ASIC2: variants seen among roughly 807,000 people sequenced by gnomAD.
The protein encoded by ASIC2 is acid-sensing ion channel 2.
A neutral mutation model predicts 57.3 loss-of-function variants in ASIC2; 25 were observed. The ratio of observed to expected loss-of-function variants is 0.44; its 90% CI spans 0.32 to 0.61. The LOEUF (loss-of-function observed/expected upper bound fraction) is 0.61, where lower values mean the gene tolerates loss of function less well. ASIC2 is among the 20% of genes least tolerant of loss of function. The probability of loss-of-function intolerance (pLI) is 0.06; values close to 1 mark genes in which losing one functional copy is unlikely to be tolerated. For missense variants in ASIC2, 641 were observed against 738.1 expected, an observed-to-expected ratio of 0.87 and a Z score of 1.52; for synonymous variants, 319 against 307.5, an observed-to-expected ratio of 1.04 and a Z score of -0.39.
chr17:33,893,736 A>T (rs1915020599), intron 1 of ASIC2, among the ~76,000 whole-genome samples: 1 of 152,182 alleles, frequency 6.6e-6, no homozygotes, highest in East Asian at 1.9e-4. Context: ...CATAATCCTT[A>T]TTTATAAAAT....
At chr17:33,833,908 A>T (rs781138775) in intron 1 of ASIC2, 4 of 152,110 alleles carry the variant, frequency 2.6e-5, no homozygotes, top group Non-Finnish European at 5.9e-5. Context: ...TGATAATAAA[A>T]AACAATTAGC....
At chr17:33,231,463 G>A (rs1197017950) in intron 1 of ASIC2, among the ~76,000 whole-genome samples, 1 of 152,162 alleles carries the variant, frequency 6.6e-6, no homozygotes, top group Admixed American at 6.5e-5. Flanking sequence ...GTGAAGCATG[G>A]GGTCTGGGTC....
intron 1 of ASIC2, among the ~76,000 whole-genome samples, chr17:33,482,661 C>A (rs12453743): frequency 0.2 from 30,984 of 152,124 alleles, 3,859 homozygotes; most frequent in Non-Finnish European, 0.28. Flanking sequence ...CAAGGTCACA[C>A]AGTGAATAGA....
intron 1 of ASIC2, among the ~76,000 whole-genome samples, chr17:34,093,850 G>A (rs1178917462): frequency 6.6e-6 from 1 of 152,078 alleles, no homozygotes. Context: ...ATGAACCCTA[G>A]GGCCCCTAGT....
rs1052226103 is a variant in ASIC2 at position 33,525,594 on chromosome 17, C to T, written c.556-413527G>A. On this transcript the variant is annotated intron_variant, in intron 1 of 9. Transcript: ENST00000359872. ...CCTCACTTTATCTCCATCTTCCCCT[C>T]CCTACCTCCTGCCTTGCAGACATGG... is the stretch of plus-strand genomic sequence containing the variant. Among the ~76,000 whole-genome samples, 3 of 152,236 alleles carry T rather than the reference C, an allele frequency of 2.0e-5. No individual in the cohort carries two copies. In the East Asian group the frequency reaches 5.8e-4, roughly 29 times the overall value.
chr17:33,859,146 G>C (rs1375737768), intron 1 of ASIC2, among the ~76,000 whole-genome samples: 1 of 152,134 alleles, frequency 6.6e-6, no homozygotes, highest in Non-Finnish European at 1.5e-5. Flanking sequence ...CATGAAATAA[G>C]AAGCAAACTA....
At chr17:34,038,123 C>A (rs1907960885) in intron 1 of ASIC2, 9 of 1,612,630 alleles carry the variant, frequency 5.6e-6, no homozygotes, top group Non-Finnish European at 7.6e-6. Context: ...TATCTCTCCA[C>A]ACCCTGTACC....
At chr17:33,715,443 C>T (rs184699013) in intron 1 of ASIC2, among the ~76,000 whole-genome samples, 4 of 152,246 alleles carry the variant, frequency 2.6e-5, no homozygotes, top group East Asian at 3.9e-4. Context: ...ATGCCCTGGC[C>T]GCTGAGACAA....
At chr17:33,825,039 T>G (rs183309185) in intron 1 of ASIC2, among the ~76,000 whole-genome samples, 60 of 152,336 alleles carry the variant, frequency 3.9e-4, no homozygotes, top group African/African-American at 1.4e-3. Flanking sequence ...TCTCTACTTC[T>G]ATCTCTGTAT....
chr17:33,077,890 G>A (rs1421916387), intron 3 of ASIC2, among the ~76,000 whole-genome samples: 1 of 152,146 alleles, frequency 6.6e-6, no homozygotes, highest in African/African-American at 2.4e-5. Context: ...TCTAAAAGAC[G>A]TGTTGGTGAT....
At chr17:33,481,717 A>C (rs1302141239) in intron 1 of ASIC2, among the ~76,000 whole-genome samples, 1 of 152,212 alleles carries the variant, frequency 6.6e-6, no homozygotes, top group Non-Finnish European at 1.5e-5. Flanking sequence ...AAAACAAAAC[A>C]AAACCACAGT....
chr17:33,310,904 A>ATTTT (rs1906387579), intron 1 of ASIC2, among the ~76,000 whole-genome samples: 1 of 152,152 alleles, frequency 6.6e-6, no homozygotes, highest in Admixed American at 6.5e-5. Flanking sequence ...ATATAGTTGC[A>ATTTT]TTTTTATCTC....
At chr17:33,598,994 G>A (rs1002816838) in intron 1 of ASIC2, among the ~76,000 whole-genome samples, 19 of 152,128 alleles carry the variant, frequency 1.2e-4, no homozygotes, top group Non-Finnish European at 2.1e-4. Context: ...TGCACCTTAC[G>A]CAATCAACAA....
chr17:34,072,855 G>C (rs547495189), intron 1 of ASIC2, among the ~76,000 whole-genome samples: 21 of 152,254 alleles, frequency 1.4e-4, no homozygotes, highest in Middle Eastern at 3.4e-3. Context: ...GGACGTTTAG[G>C]TTTCTTCCCA....
intron 1 of ASIC2, chr17:34,037,045 G>T (rs934702480): frequency 5.2e-5 from 8 of 152,610 alleles, no homozygotes; most frequent in African/African-American, 1.9e-4. Flanking sequence ...GGAGAGGGAA[G>T]CTGCATGTTT....
intron 1 of ASIC2, among the ~76,000 whole-genome samples, chr17:33,993,430 G>A (rs897129065): frequency 6.6e-6 from 1 of 152,176 alleles, no homozygotes; most frequent in Non-Finnish European, 1.5e-5. Flanking sequence ...ACTGCCATGC[G>A]CCTCCCTGCA....
rs868044187 is a variant in ASIC2 at position 33,218,136 on chromosome 17, G to A, written c.708+73272C>T. 5.9e-5 allele frequency among the ~76,000 whole-genome samples: 9 copies of A among 152,324 alleles called. 1 individual carries two copies. In the Middle Eastern group the frequency reaches 0.02, roughly 345 times the overall value. On this transcript the variant is annotated intron_variant, in intron 1 of 9. Transcript: ENST00000225823. ...TGTTTTTATTTAAAATAAATCGGCC[G>A]TGCTGTTGACTCTGGCACAGAACTG...
chr17:34,025,512 C>T (rs1907342575), intron 1 of ASIC2, among the ~76,000 whole-genome samples: 1 of 152,216 alleles, frequency 6.6e-6, no homozygotes, highest in Non-Finnish European at 1.5e-5. Context: ...TCCCACCTAG[C>T]ACCTCAGATG....
At position 33,448,665 on chromosome 17, in the gene ASIC2, C is replaced by T. The variant is rs186948082; in HGVS notation, c.556-336598G>A. On this transcript the variant is annotated intron_variant, in intron 1 of 9. Transcript: ENST00000359872. ...ATATGGTCCTGTGAGTCCTGTGACA[C>T]CTTGACTTCACCCACTGAAACAGGC... Among the ~76,000 whole-genome samples, 42 of 152,306 alleles carry T rather than the reference C, an allele frequency of 2.8e-4. 1 individual carries two copies. Among genetic ancestry groups the T allele is most frequent in the Admixed American group, 2.2e-3 (33 of 15,298 alleles).
Sources: gnomAD v4.1 joint callset for allele counts (sites outside exome capture counted in the v4.1 genomes callset) on GRCh38, gnomAD v4.1.1 for gene constraint, MANE v1.5 for transcripts, NCBI Gene and HGNC (gene_info 2026-07-23, HGNC 2026-07-21) for gene names.